The following ZCCHC4 variants were observed in gnomAD, a reference collection of about 807,000 sequenced individuals.
ZCCHC4 encodes rRNA N(6)-adenosine-methyltransferase ZCCHC4.
A neutral mutation model predicts 67.7 loss-of-function variants in ZCCHC4; 54 were observed. The ratio of observed to expected loss-of-function variants is 0.80; its 90% CI spans 0.64 to 1.00. ZCCHC4 has a LOEUF of 1.00. ZCCHC4 is among the 50% of genes least tolerant of loss of function. The pLI is 0.00. For missense variants in ZCCHC4, 609 were observed against 617.0 expected (o/e 0.99, Z 0.14); for synonymous variants, 198 against 213.5 (o/e 0.93, Z 0.63).
chr4:25,321,690 A>G (rs1289365899), intron 3 of ZCCHC4, among the ~76,000 whole-genome samples: 1 of 151,154 alleles, frequency 6.6e-6, no homozygotes, highest in African/African-American at 2.4e-5. Context: ...GTTTTAAAAT[A>G]TTTTTAGAGA....
chr4:25,315,603 CT>C (rs902725820), intron 3 of ZCCHC4, among the ~76,000 whole-genome samples: 5 of 152,014 alleles, frequency 3.3e-5, no homozygotes, highest in African/African-American at 7.2e-5. Context: ...ACCATTGCCC[CT>C]ATTCGCAAAA....
rs766359165 is a variant in ZCCHC4, at chr4:25,314,139, A to AT, written c.228dup (p.Gln77SerfsTer5). ...GCCTGTAGAGATAGAAAAGACTGTA[A>AT]TTTTTTTCAGTGGGAAGATGAAAAG... On this transcript the variant is annotated frameshift_variant, in exon 2 of 13. Transcript: ENST00000302874. LOFTEE classifies it high-confidence loss of function. The AT allele has an allele frequency of 2.5e-6, 4 of 1,599,678 alleles. No homozygotes were observed. Among genetic ancestry groups the AT allele is most frequent in the Non-Finnish European group, 3.4e-6 (4 of 1,175,874 alleles).
At chr4:25,328,915 C>T (rs532760898) in intron 3 of ZCCHC4, among the ~76,000 whole-genome samples, 2 of 152,320 alleles carry the variant, frequency 1.3e-5, no homozygotes, top group African/African-American at 4.8e-5. Flanking sequence ...TGGCCAGGTG[C>T]AGTGGCTCTT....
chr4:25,345,174 TTTAGTA>T (rs1407073793), intron 5 of ZCCHC4, among the ~76,000 whole-genome samples: 1 of 152,176 alleles, frequency 6.6e-6, no homozygotes, highest in African/African-American at 2.4e-5. Flanking sequence ...GAAATGTTGA[TTTAGTA>T]TTCTCCTTAA....
At chr4:25,368,836 C>T (rs1326940081) in intron 12 of ZCCHC4, among the ~76,000 whole-genome samples, 193 bp from the exon 13 acceptor site, 4 of 152,068 alleles carry the variant, frequency 2.6e-5, no homozygotes, top group African/African-American at 9.7e-5. Flanking sequence ...TTTTCTCAAA[C>T]ATTTTGCTTG....
chr4:25,335,654 G>A lies in ZCCHC4; in HGVS notation c.686+1666G>A, dbSNP rs150795207. Reference sequence around the variant, plus strand: ...ACGTGCCTATAGTCCCAGCTACTCCGGAGGCTGAGGTCAGAGGATTGCTTG... The same window carrying A: ...ACGTGCCTATAGTCCCAGCTACTCCAGAGGCTGAGGTCAGAGGATTGCTTG... On this transcript the variant is annotated intron_variant, in intron 5 of 12. Transcript: ENST00000302874. 3.9e-5 allele frequency among the ~76,000 whole-genome samples: 6 copies of A among 152,240 alleles called. No homozygotes were observed. The East Asian group carries it at 9.7e-4, about 25-fold the overall frequency.
At chr4:25,334,506 T>C (rs1052831758) in intron 5 of ZCCHC4, among the ~76,000 whole-genome samples, 1 of 152,152 alleles carries the variant, frequency 6.6e-6, no homozygotes, top group Non-Finnish European at 1.5e-5. Context: ...ACAGATAGAC[T>C]TTGTGAGAGG....
intron 3 of ZCCHC4, among the ~76,000 whole-genome samples, chr4:25,331,220 A>G (rs954158960): frequency 1.3e-5 from 2 of 152,016 alleles, no homozygotes; most frequent in Admixed American, 6.6e-5. Context: ...GCTTTTTCAT[A>G]TATTTTGTCT....
In ZCCHC4 at chr4:25,362,251, G is replaced by A. The variant is rs750830340; in HGVS notation, c.1159G>A (p.Val387Ile). ...ATTTTGCTCTCCGTGTCAACGGTAT[G>A]TTTCTCTAGAGAATCAACACTGTGA... The part of the protein sequence containing the change: ...YRFCSPCQRY[V>I]SLENQHCELC... The change falls in exon 10 of 13, where the codon GTT becomes ATT. Residue 387 changes from valine (V) to isoleucine (I), a missense_variant. Physicochemically the swap from Val to Ile is conservative, Grantham distance 29 (BLOSUM62 3). Coordinates refer to ENST00000302874, the MANE Select transcript of ZCCHC4 (RefSeq NM_024936.3). 5 of 1,611,378 alleles carry A rather than the reference G, an allele frequency of 3.1e-6. No homozygotes were observed. The South Asian group carries it at 3.3e-5, about 11-fold the overall frequency.
At position 25,369,398 on chromosome 4, in the gene ZCCHC4, C is replaced by T; in HGVS notation, c.*234C>T. On this transcript the variant is annotated 3_prime_UTR_variant, in exon 13 of 13. Transcript: ENST00000302874. ...AGTTCTTTCAGCATTCATTTTTCCTCACTTTAAGTCTCTCCCAGTCACATT... is the reference window on the plus strand; with the variant it reads ...AGTTCTTTCAGCATTCATTTTTCCTTACTTTAAGTCTCTCCCAGTCACATT... 1 of 500,926 alleles carries T rather than the reference C, an allele frequency of 2.0e-6. No individual in the cohort carries two copies. Among genetic ancestry groups the T allele is most frequent in the Non-Finnish European group, 3.5e-6 (1 of 288,260 alleles). 31.0% of individuals were successfully genotyped at this position (500,926 alleles called of 1,614,324 possible).
intron 5 of ZCCHC4, among the ~76,000 whole-genome samples, chr4:25,341,319 G>A (rs1035319589): frequency 2.6e-5 from 4 of 152,150 alleles, no homozygotes; most frequent in Admixed American, 1.3e-4. Context: ...GGCCTAGTGG[G>A]AGGTGTTTGA....
At chr4:25,364,908 A>G in intron 11 of ZCCHC4, 114 bp from the exon 12 acceptor site, 3 of 1,429,822 alleles carry the variant, frequency 2.1e-6, no homozygotes, top group South Asian at 1.4e-5. Context: ...CTAGCTGTGC[A>G]AACTGGCCAC....
intron 8 of ZCCHC4, among the ~76,000 whole-genome samples, chr4:25,360,359 T>G (rs1720682514): frequency 6.6e-6 from 1 of 152,264 alleles, no homozygotes; most frequent in African/African-American, 2.4e-5. Context: ...CTGGATGTGC[T>G]TGTGACTACA....
intron 5 of ZCCHC4, among the ~76,000 whole-genome samples, chr4:25,343,731 GA>G (rs1219827596): frequency 6.6e-6 from 1 of 152,208 alleles, no homozygotes; most frequent in African/African-American, 2.4e-5. Context: ...CAGTTAATGG[GA>G]AGAGGATAAA....
intron 12 of ZCCHC4, among the ~76,000 whole-genome samples, chr4:25,368,562 A>G (rs560599462): frequency 7.0e-4 from 106 of 152,168 alleles, no homozygotes; most frequent in Non-Finnish European, 1.3e-3. Context: ...ACGACTTAGG[A>G]AACAGGCCCT....
rs201763036 is a variant in ZCCHC4 at position 25,312,856 on chromosome 4, G to T, written c.47G>T (p.Ser16Ile). ...TTTGAAGCCGTGGAGGCAGAGGGCA[G>T]CGCAGGGTGCCGGGGAAGCTCGGGA... Reference protein sequence around the residue: ...NGFEAVEAEGSAGCRGSSGME... With the variant: ...NGFEAVEAEGIAGCRGSSGME... The change falls in exon 1 of 13, where the codon AGC (serine) becomes ATC (isoleucine). Residue 16 changes from serine (S) to isoleucine (I), a missense_variant. Physicochemically the swap from Ser to Ile is moderately radical, Grantham distance 142. Transcript: ENST00000302874. 6.2e-7 allele frequency: 1 copy of T among 1,613,254 alleles called. No homozygotes were observed. The highest frequency in any genetic ancestry group is 8.5e-7 in the Non-Finnish European group (1 of 1,180,042).
At chr4:25,360,993 G>A (rs1720711444) in intron 8 of ZCCHC4, among the ~76,000 whole-genome samples, 1 of 152,150 alleles carries the variant, frequency 6.6e-6, no homozygotes, top group Non-Finnish European at 1.5e-5. Flanking sequence ...CTGATACCTG[G>A]GTGGTCTATC....
chr4:25,350,566 G>A (rs945371233), intron 7 of ZCCHC4, among the ~76,000 whole-genome samples: 2 of 151,992 alleles, frequency 1.3e-5, no homozygotes, highest in Admixed American at 6.6e-5. Context: ...GGACTTCAAA[G>A]TATTTTATAT....
chr4:25,357,819 C>T (rs1348337601), intron 8 of ZCCHC4, among the ~76,000 whole-genome samples: 1 of 152,218 alleles, frequency 6.6e-6, no homozygotes, highest in Non-Finnish European at 1.5e-5. Context: ...CAGTGGTTCT[C>T]AAACTTTAGT....
Sources: gnomAD v4.1 joint callset for allele counts (sites outside exome capture counted in the v4.1 genomes callset) on GRCh38, gnomAD v4.1.1 for gene constraint, MANE v1.5 for transcripts, NCBI Gene and HGNC (gene_info 2026-07-23, HGNC 2026-07-21) for gene names.